Variants in EFNB2 observed in about 807,000 individuals in gnomAD.
The protein encoded by EFNB2 is ephrin B2, also known as ephrin-B2.
EFNB2 carries 5 observed loss-of-function variants against 32.1 expected under a neutral mutation model. The observed-to-expected ratio is 0.16, with a 90% confidence interval of 0.08 to 0.33. The LOEUF (loss-of-function observed/expected upper bound fraction) is 0.33. Ranked by LOEUF, EFNB2 falls within the 10% of genes least tolerant of loss-of-function variation. The pLI is 1.00. For synonymous variants in EFNB2, 168 were observed against 166.5 expected, an observed-to-expected ratio of 1.01 and a Z score of -0.07; for missense variants, 263 against 422.6, an observed-to-expected ratio of 0.62 and a Z score of 3.31.
At chr13:106,532,844 C>T (rs2138949664) in intron 1 of EFNB2, among the ~76,000 whole-genome samples, 1 of 150,426 alleles carries the variant, frequency 6.6e-6, no homozygotes, top group East Asian at 2.0e-4. Context: ...GTGGTGAGTA[C>T]CTGTCACCTC....
At position 106,512,764 on chromosome 13, in the gene EFNB2, T is replaced by C; in HGVS notation, c.171A>G (p.Lys57=). The change falls in exon 2 of 5, where the codon AAA becomes AAG. Residue 57 remains lysine (K), a synonymous_variant. Coordinates refer to ENST00000646441, the MANE Select transcript of EFNB2 (RefSeq NM_004093.4). ...GLVLYPQIGD[K]LDIICPKVDS... ...CCACTTTGGGGCAAATAATATCCAA[T>C]TTGTCTCCTATCTGTGGGTATAGTA... The C allele has an allele frequency of 1.9e-6, 3 of 1,613,696 alleles. No homozygotes were observed. Among genetic ancestry groups the C allele is most frequent in the South Asian group, 2.2e-5 (2 of 91,044 alleles).
chr13:106,522,512 T>C (rs1427881026), intron 1 of EFNB2, among the ~76,000 whole-genome samples: 1 of 152,134 alleles, frequency 6.6e-6, no homozygotes, highest in Non-Finnish European at 1.5e-5. Context: ...ATGGGAAAAA[T>C]CGCGGAGATG....
At chr13:106,532,705 G>A (rs1879916735) in intron 1 of EFNB2, among the ~76,000 whole-genome samples, 1 of 152,088 alleles carries the variant, frequency 6.6e-6, no homozygotes, top group African/African-American at 2.4e-5. Context: ...AAATGCTGCT[G>A]TGGAGGACAA....
chr13:106,498,517 A>T (rs749387769), intron 2 of EFNB2, among the ~76,000 whole-genome samples: 2 of 152,214 alleles, frequency 1.3e-5, no homozygotes, highest in Non-Finnish European at 2.9e-5. Context: ...TGACAACCAC[A>T]AATGTAAAAT....
At chr13:106,495,637 G>T in intron 3 of EFNB2, 111 bp downstream of exon 3, 1 of 1,075,840 alleles carries the variant, frequency 9.3e-7, no homozygotes, top group South Asian at 1.5e-5. Flanking sequence ...GGTTTGCTTT[G>T]AAAACTAAAA....
intron 1 of EFNB2, among the ~76,000 whole-genome samples, chr13:106,527,949 C>G (rs1218628559): frequency 6.6e-6 from 1 of 152,188 alleles, no homozygotes; most frequent in African/African-American, 2.4e-5. Flanking sequence ...TAAATATGCA[C>G]CAGTCTGCGT....
intron 1 of EFNB2, chr13:106,520,292 T>TACAAA (rs1879459016): frequency 6.6e-6 from 1 of 152,178 alleles, no homozygotes; most frequent in South Asian, 2.1e-4. Flanking sequence ...AGAAGAGAAG[T>TACAAA]CGAGTACAAA....
Position 106,499,333 on chromosome 13 carries a change from A to G in EFNB2, c.407-3493T>C, listed in dbSNP as rs377313165. 3.8e-4 allele frequency among the ~76,000 whole-genome samples: 58 copies of G among 152,264 alleles called. 1 individual carries two copies. Among genetic ancestry groups the G allele is most frequent in the Middle Eastern group, 6.8e-3 (2 of 294 alleles). On this transcript the variant is annotated intron_variant, in intron 2 of 4. Transcript: ENST00000646441. ...TCCTGGCAGCGAACTCTGAAATAAA[A>G]CCACAAGATTAATATTCTGATTTCT... is the stretch of plus-strand genomic sequence containing the variant.
At chr13:106,534,548 G>A (rs1033187075) in intron 1 of EFNB2, among the ~76,000 whole-genome samples, 1 of 152,246 alleles carries the variant, frequency 6.6e-6, no homozygotes, top group Non-Finnish European at 1.5e-5. Context: ...AGAGGGTCAG[G>A]TATCGCCATC....
chr13:106,491,607 T>A lies in EFNB2; in HGVS notation c.*1433A>T, dbSNP rs2138893085. 6.5e-6 allele frequency: 1 copy of A among 152,766 alleles called. No individual in the cohort carries two copies. Among genetic ancestry groups the A allele is most frequent in the South Asian group, 2.1e-4 (1 of 4,808 alleles). The allele number at this position is 152,766 out of a possible 1,614,324, so 9.5% of individuals were successfully genotyped here. A position where few individuals can be genotyped will look rare whatever the true frequency, so the allele number is the denominator to read the frequency against. ...TAAGGACTCTAAGAGGTCTGCCGTATGTGCTTCACCTTGACACAGAGCACC... is the reference window on the plus strand; with the variant it reads ...TAAGGACTCTAAGAGGTCTGCCGTAAGTGCTTCACCTTGACACAGAGCACC... On this transcript the variant is annotated 3_prime_UTR_variant, in exon 5 of 5. Transcript: ENST00000646441.
At chr13:106,496,954 C>T (rs1290031202) in intron 2 of EFNB2, among the ~76,000 whole-genome samples, 1 of 152,172 alleles carries the variant, frequency 6.6e-6, no homozygotes, top group Non-Finnish European at 1.5e-5. Flanking sequence ...CAATTTAAAT[C>T]CATTTTCTAC....
intron 1 of EFNB2, among the ~76,000 whole-genome samples, chr13:106,523,879 AT>A (rs1300271187): frequency 6.6e-6 from 1 of 152,236 alleles, no homozygotes; most frequent in Admixed American, 6.5e-5. Context: ...TCTAAAAAAG[AT>A]GTCATACTAT....
chr13:106,514,136 T>C (rs535511186), intron 1 of EFNB2, among the ~76,000 whole-genome samples: 2 of 152,294 alleles, frequency 1.3e-5, no homozygotes, highest in Admixed American at 1.3e-4. Context: ...AATGTGTTAC[T>C]GTACAACCCC....
intron 1 of EFNB2, chr13:106,520,488 C>G (rs553215595): frequency 6.6e-6 from 1 of 152,240 alleles, no homozygotes; most frequent in Non-Finnish European, 1.5e-5. Flanking sequence ...GCATTAACAC[C>G]AAAGACCAAG....
At chr13:106,501,548 C>CT (rs1029795014) in intron 2 of EFNB2, among the ~76,000 whole-genome samples, 5 of 152,046 alleles carry the variant, frequency 3.3e-5, no homozygotes, top group Admixed American at 1.3e-4. Flanking sequence ...ATACTTTCCC[C>CT]TAAATGGCCT....
rs1878354511 is a variant in EFNB2, at chr13:106,490,289, A to G, written c.*2751T>C. 1 of 152,218 alleles carries G rather than the reference A, an allele frequency of 6.6e-6. No individual in the cohort carries two copies. The highest frequency in any genetic ancestry group is 6.5e-5 in the Admixed American group (1 of 15,288). 9.4% of individuals were successfully genotyped at this position (152,218 alleles called of 1,614,324 possible). The stretch of plus-strand genomic sequence containing the variant: ...AGTAAAATCTGAACCTATTTACAGC[A>G]TCTTCACTGAAACATGATGGTGCAA... On this transcript the variant is annotated 3_prime_UTR_variant, in exon 5 of 5. Coordinates refer to ENST00000646441, the MANE Select transcript of EFNB2 (RefSeq NM_004093.4).
intron 2 of EFNB2, among the ~76,000 whole-genome samples, chr13:106,504,689 C>A (rs1234227983): frequency 6.6e-6 from 1 of 152,184 alleles, no homozygotes; most frequent in Admixed American, 6.5e-5. Flanking sequence ...AACTGTCACC[C>A]AGCCTGGCTC....
chr13:106,508,683 A>G (rs919972786), intron 2 of EFNB2, among the ~76,000 whole-genome samples: 5 of 152,204 alleles, frequency 3.3e-5, no homozygotes, highest in Non-Finnish European at 7.3e-5. Context: ...TACATTTAAT[A>G]CTCCAATAAA....
At chr13:106,534,108 A>G (rs1261813356) in intron 1 of EFNB2, among the ~76,000 whole-genome samples, 1 of 152,312 alleles carries the variant, frequency 6.6e-6, no homozygotes, top group East Asian at 1.9e-4. Flanking sequence ...TAGGAAGTGC[A>G]TTACAATCAG....
Sources: gnomAD v4.1 joint callset for allele counts (sites outside exome capture counted in the v4.1 genomes callset) on GRCh38, gnomAD v4.1.1 for gene constraint, MANE v1.5 for transcripts, NCBI Gene and HGNC (gene_info 2026-07-23, HGNC 2026-07-21) for gene names.